PLCXD3: variants seen among roughly 807,000 people sequenced by gnomAD.
The protein encoded by PLCXD3 is PI-PLC X domain-containing protein 3.
In PLCXD3, 19 loss-of-function variants were observed where a neutral mutation model predicts 25.5. The observed-to-expected ratio is 0.75, with a 90% CI of 0.52 to 1.09. The LOEUF (loss-of-function observed/expected upper bound fraction) is 1.09. PLCXD3 is among the 50% of genes least tolerant of loss of function. The probability of loss-of-function intolerance (pLI) is 0.00; values close to 1 mark genes in which losing one functional copy is unlikely to be tolerated. For synonymous variants in PLCXD3, 174 were observed against 137.6 expected (o/e 1.26, Z -1.85); for missense variants, 411 against 388.1 (o/e 1.06, Z -0.50).
At chr5:41,490,589 T>C (rs1330698250) in intron 1 of PLCXD3, among the ~76,000 whole-genome samples, 1 of 152,228 alleles carries the variant, frequency 6.6e-6, no homozygotes, top group South Asian at 2.1e-4. Flanking sequence ...TGGTAAGCTA[T>C]TGATTATTGC....
intron 1 of PLCXD3, among the ~76,000 whole-genome samples, chr5:41,407,258 T>C (rs970579883): frequency 1.3e-5 from 2 of 152,302 alleles, no homozygotes; most frequent in East Asian, 3.9e-4. Flanking sequence ...AAAAATGAAA[T>C]CTACTCTTGG....
intron 1 of PLCXD3, among the ~76,000 whole-genome samples, chr5:41,500,072 T>A (rs565054890): frequency 1.3e-5 from 2 of 151,974 alleles, no homozygotes. Flanking sequence ...ACTGGTCATC[T>A]ACCCAAATGA....
At chr5:41,409,435 G>T (rs927649174) in intron 1 of PLCXD3, among the ~76,000 whole-genome samples, 1 of 152,110 alleles carries the variant, frequency 6.6e-6, no homozygotes, top group African/African-American at 2.4e-5. Flanking sequence ...CTCATTGTGT[G>T]CATGGCTAGC....
At chr5:41,438,718 A>G (rs1467079250) in intron 1 of PLCXD3, among the ~76,000 whole-genome samples, 1 of 152,122 alleles carries the variant, frequency 6.6e-6, no homozygotes, top group African/African-American at 2.4e-5. Context: ...CTACAACACT[A>G]ACATGTGAAA....
At chr5:41,374,948 C>T (rs1347592899) in intron 2 of PLCXD3, among the ~76,000 whole-genome samples, 3 of 152,052 alleles carry the variant, frequency 2.0e-5, no homozygotes, top group Non-Finnish European at 4.4e-5. Context: ...GTCTCAACCT[C>T]TAAGTGAGGC....
chr5:41,419,774 G>A (rs1216035759), intron 1 of PLCXD3, among the ~76,000 whole-genome samples: 2 of 152,162 alleles, frequency 1.3e-5, no homozygotes, highest in Admixed American at 6.5e-5. Context: ...TTGTTTAGCT[G>A]TAAAATAGGG....
chr5:41,495,047 A>G (rs1354543081), intron 1 of PLCXD3, among the ~76,000 whole-genome samples: 1 of 152,244 alleles, frequency 6.6e-6, no homozygotes, highest in Non-Finnish European at 1.5e-5. Context: ...AATTTCCTCT[A>G]TGATAAATCC....
intron 2 of PLCXD3, among the ~76,000 whole-genome samples, chr5:41,376,319 C>T (rs951442621): frequency 6.6e-6 from 1 of 152,118 alleles, no homozygotes; most frequent in East Asian, 1.9e-4. Context: ...TGCTGGCATG[C>T]CACTCTGTTT....
At chr5:41,487,777 G>C (rs1376103088) in intron 1 of PLCXD3, among the ~76,000 whole-genome samples, 2 of 151,912 alleles carry the variant, frequency 1.3e-5, no homozygotes, top group African/African-American at 4.8e-5. Flanking sequence ...CAAGAAGCCT[G>C]GAGGGTATGA....
intron 2 of PLCXD3, among the ~76,000 whole-genome samples, chr5:41,375,669 A>G (rs1745272680): frequency 6.6e-6 from 1 of 152,100 alleles, no homozygotes; most frequent in African/African-American, 2.4e-5. Flanking sequence ...GCAAAGCCAC[A>G]CACTTCAAAC....
At chr5:41,369,199 C>G (rs1301875511) in intron 2 of PLCXD3, among the ~76,000 whole-genome samples, 4 of 152,112 alleles carry the variant, frequency 2.6e-5, no homozygotes, top group Non-Finnish European at 5.9e-5. Context: ...AACCACGTAA[C>G]CCCTAACCAG....
At chr5:41,405,229 A>T (rs919827744) in intron 1 of PLCXD3, among the ~76,000 whole-genome samples, 3 of 152,150 alleles carry the variant, frequency 2.0e-5, no homozygotes, top group Non-Finnish European at 2.9e-5. Context: ...TTTTTCTAGG[A>T]TAGAAGAAAG....
Position 41,343,789 on chromosome 5 carries a change from C to A in PLCXD3, c.813-30019G>T, listed in dbSNP as rs1366580701. On this transcript the variant is annotated intron_variant, in intron 2 of 2. Coordinates refer to ENST00000377801, the MANE Select transcript of PLCXD3 (RefSeq NM_001005473.3). ...ACGTGGTTTAATGTCAAGTCACAGT[C>A]ATATTAAAACATTTTTTTCCTAAAG... Among the ~76,000 whole-genome samples, 3 of 152,086 alleles carry A rather than the reference C, an allele frequency of 2.0e-5. No individual in the cohort carries two copies. The East Asian group carries it at 5.8e-4, about 29-fold the overall frequency.
chr5:41,475,861 G>A (rs1486232080), intron 1 of PLCXD3, among the ~76,000 whole-genome samples: 4 of 152,186 alleles, frequency 2.6e-5, no homozygotes, highest in Non-Finnish European at 5.9e-5. Context: ...AAAAGAAACT[G>A]TTTTAAAGGA....
At position 41,328,555 on chromosome 5, in the gene PLCXD3, A is replaced by G. The variant is rs574813975; in HGVS notation, c.813-14785T>C. Reference sequence around the variant, plus strand: ...ATCCTTTTCCCACTGCAGCATCTAAAGTAAGTTGGTACAACAGCAGGTCCC... The same window carrying G: ...ATCCTTTTCCCACTGCAGCATCTAAGGTAAGTTGGTACAACAGCAGGTCCC... On this transcript the variant is annotated intron_variant, in intron 2 of 2. Transcript: ENST00000377801. Among the ~76,000 whole-genome samples, 624 of 152,296 alleles carry G rather than the reference A, an allele frequency of 4.1e-3. 1 individual carries two copies. The highest frequency in any genetic ancestry group is 7.0e-3 in the Non-Finnish European group (473 of 68,022).
chr5:41,368,043 C>A (rs553428561), intron 2 of PLCXD3, among the ~76,000 whole-genome samples: 1 of 152,064 alleles, frequency 6.6e-6, no homozygotes, highest in South Asian at 2.1e-4. Flanking sequence ...CTATAAATTG[C>A]TTTGGGCAGT....
At chr5:41,447,072 A>G (rs1439984887) in intron 1 of PLCXD3, among the ~76,000 whole-genome samples, 1 of 152,184 alleles carries the variant, frequency 6.6e-6, no homozygotes, top group African/African-American at 2.4e-5. Flanking sequence ...CTGGGGGTGG[A>G]GGTCAGAAAG....
intron 1 of PLCXD3, among the ~76,000 whole-genome samples, chr5:41,410,526 G>A (rs1220602776): frequency 6.6e-6 from 1 of 152,036 alleles, no homozygotes; most frequent in African/African-American, 2.4e-5. Context: ...GCCAATTCTG[G>A]AAGGCTCTGC....
In PLCXD3 at chr5:41,501,522, C is replaced by T. The variant is rs114585121; in HGVS notation, c.103+8902G>A. Among the ~76,000 whole-genome samples, 946 of 151,942 alleles carry T rather than the reference C, an allele frequency of 6.2e-3. 10 individuals carry two copies. Among genetic ancestry groups the T allele is most frequent in the African/African-American group, 0.021 (873 of 41,442 alleles). Reference sequence around the variant, plus strand: ...GAAGCAGAGAGTGGAATGCTGGTTGCCAGAGGCTGGGAAAGAGGGGGAAAA... The same window carrying T: ...GAAGCAGAGAGTGGAATGCTGGTTGTCAGAGGCTGGGAAAGAGGGGGAAAA... On this transcript the variant is annotated intron_variant, in intron 1 of 2. Coordinates refer to ENST00000377801, the MANE Select transcript of PLCXD3 (RefSeq NM_001005473.3).
Sources: allele counts gnomAD v4.1 joint callset (sites outside exome capture counted in the v4.1 genomes callset), GRCh38; gene constraint gnomAD v4.1.1; transcripts MANE v1.5; gene names NCBI Gene and HGNC (gene_info 2026-07-23, HGNC 2026-07-21).